DTNA: variants seen among roughly 807,000 people sequenced by gnomAD.
The protein encoded by DTNA is dystrophin-related protein 3.
Under a neutral mutation model 100.7 loss-of-function variants are expected in DTNA, and 43 were observed. The ratio of observed to expected loss-of-function variants is 0.43; its 90% CI spans 0.33 to 0.55. The LOEUF is 0.55. DTNA is among the 20% of genes least tolerant of loss of function. The probability of loss-of-function intolerance (pLI) is 0.04; values close to 1 mark genes in which losing one functional copy is unlikely to be tolerated. For synonymous variants in DTNA, 349 were observed against 347.9 expected, an observed-to-expected ratio of 1.00 and a Z score of -0.04; for missense variants, 798 against 953.9, an observed-to-expected ratio of 0.84 and a Z score of 2.15.
Position 34,866,334 on chromosome 18 carries a change from C to T in DTNA, c.1743+2272C>T, listed in dbSNP as rs112639757. 20 of 1,437,098 alleles carry T rather than the reference C, an allele frequency of 1.4e-5. No individual in the cohort carries two copies. In the African/African-American group the frequency reaches 2.2e-4, roughly 16 times the overall value. The allele number at this position is 1,437,098 out of a possible 1,614,324, so 89.0% of individuals were successfully genotyped here. A position where few individuals can be genotyped will look rare whatever the true frequency, so the allele number is the denominator to read the frequency against. Reference sequence around the variant, plus strand: ...ATTTTTTATAACTATCACTACTATCCACATCAAAAGAAGAACTATGACATC... The same window carrying T: ...ATTTTTTATAACTATCACTACTATCTACATCAAAAGAAGAACTATGACATC... On this transcript the variant is annotated intron_variant, in intron 17 of 22. Coordinates refer to ENST00000444659, the MANE Select transcript of DTNA (RefSeq NM_001386795.1).
At chr18:34,596,884 G>A (rs573717224) in intron 1 of DTNA, among the ~76,000 whole-genome samples, 1 of 151,946 alleles carries the variant, frequency 6.6e-6, no homozygotes, top group South Asian at 2.1e-4. Flanking sequence ...GCAAGTTGTG[G>A]GATACATGTG....
chr18:34,531,815 A>G (rs1407107545), intron 1 of DTNA, among the ~76,000 whole-genome samples: 1 of 152,156 alleles, frequency 6.6e-6, no homozygotes, highest in Non-Finnish European at 1.5e-5. Flanking sequence ...ACAAAGAATG[A>G]TAATACTTTA....
rs183999674 is a variant in DTNA at position 34,862,366 on chromosome 18, C to T, written c.1647-1600C>T. On this transcript the variant is annotated intron_variant, in intron 16 of 22. Transcript: ENST00000444659. ...GCTTCAAGAGTAAGCAGTCCTTACT[C>T]TTGTAAGGATTGCTTGTAAGTGGCA... 1.3e-3 allele frequency among the ~76,000 whole-genome samples: 199 copies of T among 151,452 alleles called. 1 individual carries two copies. Among genetic ancestry groups the T allele is most frequent in the African/African-American group, 4.7e-3 (195 of 41,378 alleles).
At chr18:34,532,103 G>C (rs2043195513) in intron 1 of DTNA, among the ~76,000 whole-genome samples, 1 of 152,114 alleles carries the variant, frequency 6.6e-6, no homozygotes, top group African/African-American at 2.4e-5. Context: ...CTACAAAGAT[G>C]AATGAGACAT....
chr18:34,518,704 C>CATGT (rs1410080545), intron 1 of DTNA, among the ~76,000 whole-genome samples: 1 of 121,536 alleles, frequency 8.2e-6, no homozygotes, highest in African/African-American at 3.1e-5. Flanking sequence ...ATTTGGCAAA[C>CATGT]GTGTGTGTGT....
chr18:34,587,496 CTA>C lies in DTNA; in HGVS notation c.-2+93984_-2+93985del, dbSNP rs34076043. On this transcript the variant is annotated intron_variant, in intron 1 of 19. Coordinates refer to the DTNA transcript ENST00000283365. ...AATTAAAATCTGCTTTGAAAAATAA[CTA>C]TGTTATCTAATACAAATTTATATAA... 1.0e-3 allele frequency among the ~76,000 whole-genome samples: 154 copies of C among 151,896 alleles called. 1 individual carries two copies. The highest frequency in any genetic ancestry group is 1.9e-4 in the East Asian group (1 of 5,182).
At chr18:34,619,305 A>C (rs2055982018) in intron 1 of DTNA, among the ~76,000 whole-genome samples, 1 of 152,194 alleles carries the variant, frequency 6.6e-6, no homozygotes, top group Admixed American at 6.5e-5. Flanking sequence ...AAACCATTTA[A>C]GAATTATGAA....
intron 1 of DTNA, among the ~76,000 whole-genome samples, chr18:34,501,119 A>G (rs1311878388): frequency 6.6e-6 from 1 of 152,196 alleles, no homozygotes; most frequent in African/African-American, 2.4e-5. Flanking sequence ...TATCAAATTG[A>G]AGAATTTCAC....
intron 3 of DTNA, among the ~76,000 whole-genome samples, chr18:34,776,386 T>A (rs1166006878): frequency 6.6e-6 from 1 of 152,062 alleles, no homozygotes; most frequent in Non-Finnish European, 1.5e-5. Context: ...CAGGCTGGAG[T>A]GCAGTGGCAC....
intron 16 of DTNA, among the ~76,000 whole-genome samples, chr18:34,859,931 T>C (rs919932493): frequency 1.3e-5 from 2 of 152,248 alleles, no homozygotes; most frequent in African/African-American, 4.8e-5. Context: ...AGTGTATTTA[T>C]GTGGCAAACA....
Position 34,682,536 on chromosome 18 carries a change from G to C in DTNA, c.-1-73440G>C, listed in dbSNP as rs2078278235. On this transcript the variant is annotated intron_variant, in intron 1 of 19. Transcript: ENST00000283365. Reference sequence around the variant, plus strand: ...TTGCTCCATATCCTCTCCAGCATTTGATGTCAGTGTTTTAGAATTTGGTCA... The same window carrying C: ...TTGCTCCATATCCTCTCCAGCATTTCATGTCAGTGTTTTAGAATTTGGTCA... 2.0e-5 allele frequency among the ~76,000 whole-genome samples: 3 copies of C among 152,260 alleles called. No individual in the cohort carries two copies. In the South Asian group the frequency reaches 6.2e-4, roughly 32 times the overall value.
At chr18:34,522,896 A>G (rs2042280900) in intron 1 of DTNA, among the ~76,000 whole-genome samples, 1 of 152,238 alleles carries the variant, frequency 6.6e-6, no homozygotes, top group Admixed American at 6.5e-5. Flanking sequence ...TTCTGGACAC[A>G]TGCATATTTA....
intron 9 of DTNA, among the ~76,000 whole-genome samples, chr18:34,826,810 GC>G (rs2095868977): frequency 1.3e-5 from 2 of 152,084 alleles, no homozygotes; most frequent in African/African-American, 4.8e-5. Context: ...AGGGATCTTA[GC>G]CCTATCATTT....
rs142418396 is a variant in DTNA at position 34,735,153 on chromosome 18, C to T, written c.-1-20823C>T. ...TCCCAAAACTGAAGAACATGGAGTCCGATGTTTGAGAGCAGGAAGCATCCA... is the reference window on the plus strand; with the variant it reads ...TCCCAAAACTGAAGAACATGGAGTCTGATGTTTGAGAGCAGGAAGCATCCA... On this transcript the variant is annotated intron_variant, in intron 1 of 22. Coordinates refer to ENST00000444659, the MANE Select transcript of DTNA (RefSeq NM_001386795.1). Among the ~76,000 whole-genome samples the T allele has an allele frequency of 1.7e-3, 263 of 152,090 alleles. 2 individuals carry two copies. The highest frequency in any genetic ancestry group is 5.6e-3 in the African/African-American group (234 of 41,488).
chr18:34,573,724 T>C (rs1362182883), intron 1 of DTNA, among the ~76,000 whole-genome samples: 2 of 152,242 alleles, frequency 1.3e-5, no homozygotes, highest in African/African-American at 2.4e-5. Flanking sequence ...ACTTAAAATC[T>C]ATTTTTGTGA....
At chr18:34,642,733 A>G (rs1280213705) in intron 1 of DTNA, among the ~76,000 whole-genome samples, 3 of 151,700 alleles carry the variant, frequency 2.0e-5, no homozygotes, top group Admixed American at 6.6e-5. Context: ...TAATTTTTGT[A>G]TTTTTAGTAG....
chr18:34,506,033 C>T (rs752875187), intron 1 of DTNA, among the ~76,000 whole-genome samples: 1 of 152,322 alleles, frequency 6.6e-6, no homozygotes, highest in East Asian at 1.9e-4. Context: ...TTAGGTTCCT[C>T]ACTCAGTCTC....
intron 17 of DTNA, among the ~76,000 whole-genome samples, chr18:34,869,359 C>T: frequency 6.6e-6 from 1 of 152,126 alleles, no homozygotes. Flanking sequence ...AGTTCATTAA[C>T]AGTGTCTCCA....
intron 13 of DTNA, among the ~76,000 whole-genome samples, chr18:34,847,346 T>C (rs1413727946): frequency 2.0e-5 from 3 of 152,182 alleles, no homozygotes; most frequent in Non-Finnish European, 4.4e-5. Context: ...TCTCTGAAAG[T>C]AAATATAAAA....
Sources: allele counts gnomAD v4.1 joint callset (sites outside exome capture counted in the v4.1 genomes callset), GRCh38; gene constraint gnomAD v4.1.1; transcripts MANE v1.5; gene names NCBI Gene and HGNC (gene_info 2026-07-23, HGNC 2026-07-21).